Variants in SCN10A observed in about 807,000 individuals in gnomAD.
SCN10A encodes the protein sodium channel protein type 10 subunit alpha.
A neutral mutation model predicts 170.7 loss-of-function variants in SCN10A; 162 were observed. That is an observed-to-expected ratio of 0.95 (90% CI 0.84 to 1.08). The LOEUF is 1.08. SCN10A is among the 50% of genes least tolerant of loss of function. The pLI, the probability that SCN10A is intolerant of heterozygous loss-of-function variation, is 0.00. For missense variants in SCN10A, 2,527 were observed against 2,436.9 expected (o/e 1.04, Z -0.78); for synonymous variants, 985 against 904.6 (o/e 1.09, Z -1.59).
chr3:38,728,017 G>A (rs2063475873), intron 16 of SCN10A, among the ~76,000 whole-genome samples: 1 of 152,162 alleles, frequency 6.6e-6, no homozygotes, highest in African/African-American at 2.4e-5. Flanking sequence ...GCTAGGACCT[G>A]TGCAGCTTGG....
Position 38,719,367 on chromosome 3 carries a change from C to CTTTTTT in SCN10A, c.3508-547_3508-542dup, listed in dbSNP as rs555646896. On this transcript the variant is annotated intron_variant, in intron 20 of 27. Coordinates refer to ENST00000449082, the MANE Select transcript of SCN10A (RefSeq NM_006514.4). ...GCTGTGGCTGTGGGGGGCTGCCACT[C>CTTTTTT]TTTTTTTTTTTTTTTTTTTTTTTTT... is the stretch of plus-strand genomic sequence containing the variant. 2.6e-4 allele frequency among the ~76,000 whole-genome samples: 18 copies of CTTTTTT among 69,126 alleles called. 1 individual carries two copies. Among genetic ancestry groups the CTTTTTT allele is most frequent in the South Asian group, 5.7e-4 (1 of 1,746 alleles). The allele number at this position is 69,126 out of a possible 152,430, so 45.3% of individuals were successfully genotyped here.
intron 5 of SCN10A, among the ~76,000 whole-genome samples, chr3:38,768,298 A>C (rs1196687734): frequency 6.6e-6 from 1 of 151,680 alleles, no homozygotes; most frequent in Non-Finnish European, 1.5e-5. Context: ...TTATTGCCTT[A>C]ATTCCTTTTT....
chr3:38,710,918 CCACT>C, intron 23 of SCN10A, 21 bp from the exon 24 acceptor site: 2 of 1,609,726 alleles, frequency 1.2e-6, no homozygotes, highest in Non-Finnish European at 1.7e-6. Flanking sequence ...GGAGCAGAGG[CCACT>C]CAGTGTCTGC....
chr3:38,712,278 C>T lies in SCN10A; in HGVS notation c.3972G>A (p.Ser1324=), dbSNP rs149883899. The part of the protein sequence containing the change: ...TDGEFSLVPL[S]IVNNKSDCKI... ...TGCAGTCAGACTTGTTATTCACAATCGACAAAGGTACAAGGGAAAACTCTC... is the reference window on the plus strand; with the variant it reads ...TGCAGTCAGACTTGTTATTCACAATTGACAAAGGTACAAGGGAAAACTCTC... Residue 1324 remains serine, a synonymous_variant, in exon 23 of 28, where the codon TCG becomes TCA. Coordinates refer to ENST00000449082, the MANE Select transcript of SCN10A (RefSeq NM_006514.4). 36 of 1,614,176 alleles carry T rather than the reference C, an allele frequency of 2.2e-5. 1 individual carries two copies. Among genetic ancestry groups the T allele is most frequent in the Middle Eastern group, 3.3e-4 (2 of 6,062 alleles).
chr3:38,785,807 A>G (rs2064193532), intron 4 of SCN10A, among the ~76,000 whole-genome samples: 2 of 152,196 alleles, frequency 1.3e-5, no homozygotes, highest in Admixed American at 1.3e-4. Context: ...TCCATCAAAA[A>G]GTGGGCAAAG....
chr3:38,725,410 CAA>C, intron 17 of SCN10A, 96 bp from the exon 18 acceptor site: 3 of 1,248,546 alleles, frequency 2.4e-6, no homozygotes, highest in East Asian at 2.6e-5. Flanking sequence ...CTGCCAGAGC[CAA>C]GAGTTTCATA....
intron 1 of SCN10A, among the ~76,000 whole-genome samples, chr3:38,798,268 C>T (rs928393441): frequency 6.6e-6 from 1 of 152,132 alleles, no homozygotes; most frequent in African/African-American, 2.4e-5. Flanking sequence ...ATCTACCAGT[C>T]CTGTCCCTTA....
chr3:38,710,509 C>G (rs1202769089), intron 24 of SCN10A, among the ~76,000 whole-genome samples: 2 of 152,176 alleles, frequency 1.3e-5, no homozygotes, highest in Admixed American at 6.5e-5. Context: ...TCCCTATGCA[C>G]CTTGATTTAG....
At position 38,798,945 on chromosome 3, in the gene SCN10A, C is replaced by T. The variant is rs536174144; in HGVS notation, c.-32-4903G>A. 3.1e-4 allele frequency among the ~76,000 whole-genome samples: 47 copies of T among 151,832 alleles called. No individual in the cohort carries two copies. In the South Asian group the frequency reaches 8.7e-3, roughly 28 times the overall value. ...GTGGAACTACAGGTATGTGCCACCA[C>T]GCCTGGCTAATCTTCATATTTTTGA... On this transcript the variant is annotated intron_variant, in intron 1 of 27. Coordinates refer to ENST00000449082, the MANE Select transcript of SCN10A (RefSeq NM_006514.4).
intron 1 of SCN10A, among the ~76,000 whole-genome samples, chr3:38,800,330 A>T (rs2064363789): frequency 1.3e-5 from 2 of 152,094 alleles, no homozygotes; most frequent in Admixed American, 1.3e-4. Flanking sequence ...AGATTCCTGG[A>T]CTCCACCTGA....
chr3:38,720,654 C>T (rs1399979728), intron 20 of SCN10A, among the ~76,000 whole-genome samples: 1 of 151,732 alleles, frequency 6.6e-6, no homozygotes, highest in Non-Finnish European at 1.5e-5. Flanking sequence ...GCGGGCTGGG[C>T]TGGCGCAGTG....
chr3:38,740,080 G>A (rs939126464), intron 14 of SCN10A, among the ~76,000 whole-genome samples: 1 of 152,240 alleles, frequency 6.6e-6, no homozygotes, highest in Non-Finnish European at 1.5e-5. Context: ...CCTAGCTTAT[G>A]TAAGCTTGGA....
intron 13 of SCN10A, among the ~76,000 whole-genome samples, chr3:38,749,765 A>T (rs562543136): frequency 2.0e-5 from 3 of 152,384 alleles, no homozygotes; most frequent in Admixed American, 2.0e-4. Context: ...CTGGCCTGAA[A>T]TTCTCTGATG....
At chr3:38,769,034 C>T (rs56040630) in intron 5 of SCN10A, among the ~76,000 whole-genome samples, 39,063 of 151,856 alleles carry the variant, frequency 0.26, 5,571 homozygotes, top group Middle Eastern at 0.32. Context: ...TCTACTTGTT[C>T]TAGTCTATTG....
At position 38,788,936 on chromosome 3, in the gene SCN10A, A is replaced by C. The variant is rs373828290; in HGVS notation, c.470+20T>G. The C allele has an allele frequency of 2.0e-6, 3 of 1,478,968 alleles. No individual in the cohort carries two copies. The highest frequency in any genetic ancestry group is 1.9e-6 in the Non-Finnish European group (2 of 1,057,274). The allele number at this position is 1,478,968 out of a possible 1,614,324, so 91.6% of individuals were successfully genotyped here. Reference sequence around the variant, plus strand: ...GAAAGCAAAAAGAGATGGTACAATAATGATAGCAAATCTACTCACTCAATT... The same window carrying C: ...GAAAGCAAAAAGAGATGGTACAATACTGATAGCAAATCTACTCACTCAATT... On this transcript the variant is annotated intron_variant, in intron 4 of 27. Transcript: ENST00000449082.
chr3:38,709,611 T>C lies in SCN10A; in HGVS notation c.4148A>G (p.Asn1383Ser). 1.2e-6 allele frequency: 2 copies of C among 1,600,712 alleles called. No homozygotes were observed. Among genetic ancestry groups the C allele is most frequent in the Non-Finnish European group, 1.7e-6 (2 of 1,173,726 alleles). ...MYAAVDSREVNMQPKWEDNVY... is the reference protein window; with the variant it reads ...MYAAVDSREVSMQPKWEDNVY... Reference sequence around the variant, plus strand: ...GTTGTCCTCCCACTTGGGTTGCATGTTGACCTGTGACCAGACAAGGGAGAG... The same window carrying C: ...GTTGTCCTCCCACTTGGGTTGCATGCTGACCTGTGACCAGACAAGGGAGAG... The change falls in exon 25 of 28, where the codon AAC becomes AGC. Residue 1383 changes from asparagine to serine, a missense_variant. Coordinates refer to ENST00000449082, the MANE Select transcript of SCN10A (RefSeq NM_006514.4).
intron 5 of SCN10A, among the ~76,000 whole-genome samples, chr3:38,765,462 A>G (rs2063921549): frequency 6.6e-6 from 1 of 152,166 alleles, no homozygotes; most frequent in Admixed American, 6.5e-5. Flanking sequence ...CATTTGTTGA[A>G]TAGGGTGTCC....
At chr3:38,725,948 T>C (rs2063449566) in intron 17 of SCN10A, among the ~76,000 whole-genome samples, 1 of 152,180 alleles carries the variant, frequency 6.6e-6, no homozygotes, top group African/African-American at 2.4e-5. Flanking sequence ...TCTGGACCAC[T>C]TAGTAACCTG....
chr3:38,715,640 C>T (rs763780033), intron 21 of SCN10A, among the ~76,000 whole-genome samples: 1 of 152,188 alleles, frequency 6.6e-6, no homozygotes, highest in Non-Finnish European at 1.5e-5. Flanking sequence ...CTGCTCATTT[C>T]TATGCCCCAC....
Sources: allele counts gnomAD v4.1 joint callset (sites outside exome capture counted in the v4.1 genomes callset), GRCh38; gene constraint gnomAD v4.1.1; transcripts MANE v1.5; gene names NCBI Gene and HGNC (gene_info 2026-07-23, HGNC 2026-07-21).